ZNF385D: variants seen among roughly 807,000 people sequenced by gnomAD.
The protein encoded by ZNF385D is zinc finger protein 659.
ZNF385D carries 15 observed loss-of-function variants against 35.8 expected under a neutral mutation model. That is an observed-to-expected ratio of 0.42 (90% CI 0.28 to 0.64). The LOEUF (loss-of-function observed/expected upper bound fraction) is 0.64. Among genes scored for constraint, ZNF385D ranks in the 30% least tolerant of loss-of-function variants. ZNF385D has a pLI of 0.23. For missense variants in ZNF385D, 474 were observed against 494.6 expected, an observed-to-expected ratio of 0.96 and a Z score of 0.39; for synonymous variants, 212 against 186.8, an observed-to-expected ratio of 1.13 and a Z score of -1.10.
intron 2 of ZNF385D, among the ~76,000 whole-genome samples, chr3:22,304,386 G>C (rs1703088460): frequency 6.6e-6 from 1 of 152,020 alleles, no homozygotes; most frequent in Non-Finnish European, 1.5e-5. Flanking sequence ...ATGTATTTTA[G>C]CAGATATTGA....
chr3:21,661,793 A>G (rs1407966862), intron 2 of ZNF385D, among the ~76,000 whole-genome samples: 3 of 152,118 alleles, frequency 2.0e-5, no homozygotes, highest in Non-Finnish European at 2.9e-5. Flanking sequence ...TTTTATACCT[A>G]TAACTCAGCT....
Position 21,660,403 on chromosome 3 carries a change from G to T in ZNF385D, c.165+4483C>A, listed in dbSNP as rs149194471. Reference sequence around the variant, plus strand: ...TTTACTGAGTATCTGGCATCTGCAGGCACAGGAAGTCAGTTTTCCTCATTT... The same window carrying T: ...TTTACTGAGTATCTGGCATCTGCAGTCACAGGAAGTCAGTTTTCCTCATTT... On this transcript the variant is annotated intron_variant, in intron 2 of 7. Transcript: ENST00000281523. Among the ~76,000 whole-genome samples the T allele has an allele frequency of 2.0e-4, 31 of 152,154 alleles. No individual in the cohort carries two copies. The East Asian group carries it at 6.0e-3, about 29-fold the overall frequency.
chr3:22,103,346 A>AT (rs1702041067), intron 3 of ZNF385D, among the ~76,000 whole-genome samples: 3 of 152,002 alleles, frequency 2.0e-5, no homozygotes, highest in Admixed American at 1.3e-4. Flanking sequence ...TTTTCAGTCA[A>AT]TTTTTGATAA....
At chr3:21,777,824 G>A (rs1344910894) in intron 3 of ZNF385D, 1 of 151,788 alleles carries the variant, frequency 6.6e-6, no homozygotes, top group African/African-American at 2.4e-5. Context: ...CTGGCATCAC[G>A]ATGAGAAAAA....
chr3:21,497,079 G>A (rs938171062), intron 4 of ZNF385D, among the ~76,000 whole-genome samples: 1 of 152,028 alleles, frequency 6.6e-6, no homozygotes, highest in Non-Finnish European at 1.5e-5. Context: ...GAAAGAAAAG[G>A]CATCTAAATC....
chr3:22,305,117 T>C (rs535431719), intron 2 of ZNF385D, among the ~76,000 whole-genome samples: 1 of 152,192 alleles, frequency 6.6e-6, no homozygotes, highest in South Asian at 2.1e-4. Context: ...CTTTAATCTT[T>C]CTTATTACTT....
chr3:22,235,855 TA>T (rs1699150230), intron 2 of ZNF385D, among the ~76,000 whole-genome samples: 1 of 152,044 alleles, frequency 6.6e-6, no homozygotes, highest in African/African-American at 2.4e-5. Flanking sequence ...AAATTTAATT[TA>T]AAAAAGTGCC....
intron 3 of ZNF385D, among the ~76,000 whole-genome samples, chr3:21,846,396 T>A (rs1696008474): frequency 6.6e-6 from 1 of 152,088 alleles, no homozygotes; most frequent in African/African-American, 2.4e-5. Flanking sequence ...AAGCACTTTC[T>A]CATAAACTAA....
intron 2 of ZNF385D, among the ~76,000 whole-genome samples, chr3:22,291,377 T>C (rs1004256116): frequency 1.3e-5 from 2 of 152,126 alleles, no homozygotes; most frequent in Non-Finnish European, 2.9e-5. Flanking sequence ...TAAAAAATCA[T>C]TTGAGTCCTA....
In ZNF385D at chr3:22,315,226, G is replaced by A. The variant is rs922581949; in HGVS notation, c.106+57224C>T. On this transcript the variant is annotated intron_variant, in intron 2 of 5. Transcript: ENST00000494108. The stretch of plus-strand genomic sequence containing the variant: ...CCACAGCATCTTAGTAGAGTGGATG[G>A]GAATGTCATTAACGAAGACAAGTCA... Among the ~76,000 whole-genome samples the A allele has an allele frequency of 5.3e-5, 8 of 152,282 alleles. No homozygotes were observed. The South Asian group carries it at 1.2e-3, about 24-fold the overall frequency.
intron 3 of ZNF385D, among the ~76,000 whole-genome samples, chr3:22,120,178 T>C (rs1004782843): frequency 8.6e-5 from 13 of 151,930 alleles, no homozygotes; most frequent in Admixed American, 2.0e-4. Flanking sequence ...GTGCCTTAGT[T>C]TACTAGGGCT....
chr3:22,343,394 G>A (rs1018364218), intron 2 of ZNF385D, among the ~76,000 whole-genome samples: 2 of 152,210 alleles, frequency 1.3e-5, no homozygotes, highest in African/African-American at 4.8e-5. Flanking sequence ...TTGAACAAGT[G>A]ACTTCAGTTC....
intron 3 of ZNF385D, among the ~76,000 whole-genome samples, chr3:21,767,829 A>G (rs1345745476): frequency 6.6e-6 from 1 of 152,126 alleles, no homozygotes; most frequent in Non-Finnish European, 1.5e-5. Flanking sequence ...TTAGTAATTA[A>G]AGAAGTTAAA....
At chr3:22,296,107 A>G (rs138889268) in intron 2 of ZNF385D, among the ~76,000 whole-genome samples, 6 of 152,290 alleles carry the variant, frequency 3.9e-5, no homozygotes, top group African/African-American at 1.4e-4. Flanking sequence ...AATCAATCCA[A>G]TGCCATAGGT....
chr3:21,532,903 T>A (rs991456431), intron 3 of ZNF385D, among the ~76,000 whole-genome samples: 1 of 152,200 alleles, frequency 6.6e-6, no homozygotes, highest in African/African-American at 2.4e-5. Flanking sequence ...AAACTCATCA[T>A]CTGGCACTCC....
intron 3 of ZNF385D, among the ~76,000 whole-genome samples, chr3:21,994,451 A>C (rs954938521): frequency 5.3e-5 from 8 of 152,064 alleles, no homozygotes; most frequent in African/African-American, 1.7e-4. Flanking sequence ...TTCCTGAATT[A>C]TTTATGTTGT....
intron 1 of ZNF385D, among the ~76,000 whole-genome samples, chr3:21,743,263 T>G (rs773093840): frequency 1.3e-5 from 2 of 152,176 alleles, no homozygotes; most frequent in Non-Finnish European, 2.9e-5. Context: ...GCACAGCTAA[T>G]TTGGACTTTT....
intron 2 of ZNF385D, among the ~76,000 whole-genome samples, chr3:22,311,135 G>C (rs1461387468): frequency 6.6e-6 from 1 of 151,806 alleles, no homozygotes; most frequent in East Asian, 1.9e-4. Flanking sequence ...CAGAAGAAAG[G>C]AGAAAAAGGA....
In ZNF385D at chr3:21,982,056, G is replaced by A. The variant is rs533339146; in HGVS notation, c.325+186761C>T. Among the ~76,000 whole-genome samples, 5 of 143,644 alleles carry A rather than the reference G, an allele frequency of 3.5e-5. No individual in the cohort carries two copies. The East Asian group carries it at 8.0e-4, about 23-fold the overall frequency. 94.2% of individuals were successfully genotyped at this position (143,644 alleles called of 152,430 possible). ...GCCTTGGCTATTTGGGCTCTTTTTT[G>A]GTTCCATTTGAATTTTAAAATAGTT... is the stretch of plus-strand genomic sequence containing the variant. On this transcript the variant is annotated intron_variant, in intron 3 of 5. Transcript: ENST00000494108.
Sources: allele counts gnomAD v4.1 joint callset (sites outside exome capture counted in the v4.1 genomes callset), GRCh38; gene constraint gnomAD v4.1.1; transcripts MANE v1.5; gene names NCBI Gene and HGNC (gene_info 2026-07-23, HGNC 2026-07-21).